PARPBP: variants seen among roughly 807,000 people sequenced by gnomAD.
PARPBP encodes PARP1 binding protein, also known as PCNA-interacting partner.
In PARPBP, 52 loss-of-function variants were observed where a neutral mutation model predicts 50.0. That is an observed-to-expected ratio of 1.04 (90% CI 0.83 to 1.31). The LOEUF (loss-of-function observed/expected upper bound fraction) is 1.31. Ranked by LOEUF, PARPBP falls within the 50% of genes most tolerant of loss-of-function variation. PARPBP has a pLI of 0.00. For synonymous variants in PARPBP, 244 were observed against 232.1 expected (o/e 1.05, Z -0.47); for missense variants, 697 against 672.0 (o/e 1.04, Z -0.41).
intron 3 of PARPBP, among the ~76,000 whole-genome samples, chr12:102,150,805 A>C (rs528537357): frequency 1.3e-5 from 2 of 152,282 alleles, no homozygotes; most frequent in Non-Finnish European, 2.9e-5. Flanking sequence ...AAGGTCAGCA[A>C]ATGACCTCTG....
intron 9 of PARPBP, among the ~76,000 whole-genome samples, chr12:102,190,406 T>C (rs1319285841): frequency 1.3e-5 from 2 of 152,142 alleles, no homozygotes; most frequent in Non-Finnish European, 2.9e-5. Context: ...ACAAGGCTTC[T>C]CTAAAGATTT....
At chr12:102,154,063 T>C (rs1886567927) in intron 4 of PARPBP, 87 bp downstream of exon 4, 1 of 764,310 alleles carries the variant, frequency 1.3e-6, no homozygotes, top group Non-Finnish European at 2.2e-6. Context: ...TACTAATGCT[T>C]TGTAAAAATT....
chr12:102,164,291 C>T (rs1222182007), intron 4 of PARPBP, 147 bp from the exon 5 acceptor site: 1 of 631,012 alleles, frequency 1.6e-6, no homozygotes, highest in Non-Finnish European at 2.7e-6. Context: ...ATTGCCCAAC[C>T]TGTTTTTATA....
chr12:102,182,429 C>T, intron 8 of PARPBP, 120 bp from the exon 9 acceptor site: 1 of 656,718 alleles, frequency 1.5e-6, no homozygotes, highest in Non-Finnish European at 2.7e-6. Flanking sequence ...GGGAGGTAAC[C>T]CCATCATAAG....
chr12:102,158,083 T>G (rs1325837956), intron 4 of PARPBP, among the ~76,000 whole-genome samples: 1 of 129,816 alleles, frequency 7.7e-6, no homozygotes, highest in Non-Finnish European at 1.5e-5. Context: ...ATGGTGCCAC[T>G]GCACTCCAGC....
intron 2 of PARPBP, among the ~76,000 whole-genome samples, chr12:102,145,141 G>A (rs1354728443): frequency 6.6e-6 from 1 of 152,078 alleles, no homozygotes; most frequent in African/African-American, 2.4e-5. Flanking sequence ...GTATAAAAAT[G>A]TAGATTTAAA....
intron 6 of PARPBP, among the ~76,000 whole-genome samples, chr12:102,172,193 C>A (rs1465348852): frequency 6.6e-6 from 1 of 152,186 alleles, no homozygotes; most frequent in African/African-American, 2.4e-5. Context: ...AGTTAGGAGT[C>A]AGGAGCTCAG....
In PARPBP at chr12:102,139,995, C is replaced by T. The variant is rs184424842; in HGVS notation, c.154-8235C>T. Among the ~76,000 whole-genome samples the T allele has an allele frequency of 1.3e-3, 202 of 152,288 alleles. 1 individual carries two copies. Among genetic ancestry groups the T allele is most frequent in the Admixed American group, 4.8e-3 (74 of 15,304 alleles). ...TTTGGTATCAGGATGATGCTGGCCT[C>T]ATAAAATGAGTTAGGGATGATTCCC... On this transcript the variant is annotated intron_variant, in intron 2 of 10. Coordinates refer to ENST00000327680, the MANE Select transcript of PARPBP (RefSeq NM_017915.5).
chr12:102,123,937 C>T lies in PARPBP; in HGVS notation c.49C>T (p.Arg17Ter), dbSNP rs1001669268. ...TGTCTCGGATATGATTAAAGAGTTT[C>T]GAAAAAATTGGCGTGCTCTTTGTAA... ...KSVSDMIKEF[R>*]KNWRALCNSE... Residue 17 changes from arginine (R) to a stop codon, truncating the protein, a stop_gained, in exon 2 of 11, where the codon CGA becomes TGA. Transcript: ENST00000327680. LOFTEE classifies it high-confidence loss of function. 1.4e-5 allele frequency: 22 copies of T among 1,534,910 alleles called. No individual in the cohort carries two copies. Among genetic ancestry groups the T allele is most frequent in the East Asian group, 2.4e-5 (1 of 40,890 alleles).
chr12:102,140,571 A>G (rs2138088705), intron 2 of PARPBP, among the ~76,000 whole-genome samples: 1 of 152,008 alleles, frequency 6.6e-6, no homozygotes, highest in African/African-American at 2.4e-5. Flanking sequence ...TTTAATTGTG[A>G]TGTTAGGGTG....
intron 6 of PARPBP, among the ~76,000 whole-genome samples, chr12:102,168,757 A>G (rs558254472): frequency 1.3e-5 from 2 of 152,198 alleles, no homozygotes; most frequent in African/African-American, 4.8e-5. Flanking sequence ...GTGGGTGGGA[A>G]AGTGGATAAC....
At chr12:102,132,679 A>G (rs1883050205) in intron 2 of PARPBP, among the ~76,000 whole-genome samples, 1 of 152,042 alleles carries the variant, frequency 6.6e-6, no homozygotes, top group Non-Finnish European at 1.5e-5. Context: ...TGTTTTTTCT[A>G]TTTCTGTCAA....
intron 4 of PARPBP, 25 bp from the exon 5 acceptor site, chr12:102,164,413 A>G (rs777510001): frequency 2.6e-6 from 4 of 1,564,596 alleles, no homozygotes; most frequent in Non-Finnish European, 3.5e-6. Flanking sequence ...CAATAAAGAA[A>G]TTAACTGAAT....
At chr12:102,141,160 G>A (rs531846827) in intron 2 of PARPBP, among the ~76,000 whole-genome samples, 1 of 152,016 alleles carries the variant, frequency 6.6e-6, no homozygotes, top group Non-Finnish European at 1.5e-5. Context: ...TATGAATCTG[G>A]GTGCTCCTGT....
intron 4 of PARPBP, among the ~76,000 whole-genome samples, chr12:102,158,120 C>CAAAAAAAAAAAAAA (rs55962862): frequency 4.2e-5 from 2 of 47,992 alleles, no homozygotes; most frequent in Admixed American, 2.2e-4. Context: ...GACTCCATCT[C>CAAAAAAAAAAAAAA]AAAAAAAAAA....
intron 6 of PARPBP, among the ~76,000 whole-genome samples, chr12:102,174,109 A>C (rs1420327134): frequency 6.6e-6 from 1 of 151,754 alleles, no homozygotes; most frequent in Non-Finnish European, 1.5e-5. Flanking sequence ...CAGTATGAAG[A>C]TCAGTAAAAT....
At chr12:102,146,559 A>G (rs1306054035) in intron 2 of PARPBP, among the ~76,000 whole-genome samples, 1 of 152,224 alleles carries the variant, frequency 6.6e-6, no homozygotes, top group Non-Finnish European at 1.5e-5. Flanking sequence ...CTTATATAAA[A>G]ATTAATTCTA....
In PARPBP at chr12:102,196,078, A is replaced by C. The variant is rs1891290644; in HGVS notation, c.1527A>C (p.Lys509Asn). Reference sequence around the variant, plus strand: ...GTCAGACAGGAAATAAAAGCTCAAAAAGGAAACAGGTGGATTTGGATGGTG... The same window carrying C: ...GTCAGACAGGAAATAAAAGCTCAAACAGGAAACAGGTGGATTTGGATGGTG... The part of the protein sequence containing the change: ...STSQTGNKSS[K>N]RKQVDLDGEN... The change falls in exon 11 of 11, where the codon AAA (lysine) becomes AAC (asparagine). Residue 509 changes from lysine to asparagine, a missense_variant. By Grantham distance (94) the Lys-to-Asn change is moderately conservative. Coordinates refer to ENST00000327680, the MANE Select transcript of PARPBP (RefSeq NM_017915.5). 1 of 1,612,062 alleles carries C rather than the reference A, an allele frequency of 6.2e-7. No homozygotes were observed. Among genetic ancestry groups the C allele is most frequent in the Non-Finnish European group, 8.5e-7 (1 of 1,178,772 alleles).
intron 9 of PARPBP, among the ~76,000 whole-genome samples, chr12:102,188,766 A>G (rs145955386): frequency 8.8e-4 from 134 of 152,312 alleles, no homozygotes; most frequent in Middle Eastern, 3.4e-3. Flanking sequence ...ATTAACTTAT[A>G]AAAGTAATTG....
Sources: gnomAD v4.1 joint callset for allele counts (sites outside exome capture counted in the v4.1 genomes callset) on GRCh38, gnomAD v4.1.1 for gene constraint, MANE v1.5 for transcripts, NCBI Gene and HGNC (gene_info 2026-07-23, HGNC 2026-07-21) for gene names.